Variants in GALNT11 observed in about 807,000 individuals in gnomAD.
The protein encoded by GALNT11 is UDP-GalNAc:polypeptide N-acetylgalactosaminyltransferase 11.
In GALNT11, 47 loss-of-function variants were observed where a neutral mutation model predicts 72.7. The ratio of observed to expected loss-of-function variants is 0.65; its 90% CI spans 0.51 to 0.82. The LOEUF is 0.82. Among genes scored for constraint, GALNT11 ranks in the 40% least tolerant of loss-of-function variants. The pLI is 0.00. For missense variants in GALNT11, 677 were observed against 778.4 expected, an observed-to-expected ratio of 0.87 and a Z score of 1.55; for synonymous variants, 270 against 286.6, an observed-to-expected ratio of 0.94 and a Z score of 0.58.
rs527353781 is a variant in GALNT11 at position 152,064,024 on chromosome 7, G to C, written c.-38-30166G>C. On this transcript the variant is annotated intron_variant, in intron 1 of 11. Coordinates refer to ENST00000430044, the MANE Select transcript of GALNT11 (RefSeq NM_022087.4). ...ATTCCTAGATATCCTTGTGAACTTT[G>C]TGTCTCATCGATCTGTCTAATGTTG... Among the ~76,000 whole-genome samples, 3 of 152,220 alleles carry C rather than the reference G, an allele frequency of 2.0e-5. No individual in the cohort carries two copies. The South Asian group carries it at 6.2e-4, about 32-fold the overall frequency.
chr7:152,069,969 TTTTC>T lies in GALNT11; in HGVS notation c.-38-24213_-38-24210del, dbSNP rs139024656. ...TGTAACTGTTTTGCACTCATTGCTTTTTTCTTTCTTTTTTCTTTTTTCTTTTTCT... is the reference window on the plus strand; with the variant it reads ...TGTAACTGTTTTGCACTCATTGCTTTTTTCTTTTTTCTTTTTTCTTTTTCT... On this transcript the variant is annotated intron_variant, in intron 1 of 11. Coordinates refer to ENST00000430044, the MANE Select transcript of GALNT11 (RefSeq NM_022087.4). Among the ~76,000 whole-genome samples, 161 of 151,860 alleles carry T rather than the reference TTTTC, an allele frequency of 1.1e-3. 1 individual carries two copies. Among genetic ancestry groups the T allele is most frequent in the African/African-American group, 3.7e-3 (152 of 41,318 alleles).
At chr7:152,033,318 G>T (rs1366040082) in intron 1 of GALNT11, among the ~76,000 whole-genome samples, 1 of 152,170 alleles carries the variant, frequency 6.6e-6, no homozygotes, top group African/African-American at 2.4e-5. Flanking sequence ...TCCATTTTCT[G>T]TCCTTTCTGA....
chr7:152,028,906 T>C (rs1310452545), intron 1 of GALNT11, among the ~76,000 whole-genome samples: 1 of 152,170 alleles, frequency 6.6e-6, no homozygotes, highest in Non-Finnish European at 1.5e-5. Context: ...TGTAGCTTGA[T>C]GGTCTCAATT....
chr7:152,099,529 A>AGT (rs2086642229), intron 2 of GALNT11, among the ~76,000 whole-genome samples: 1 of 76,550 alleles, frequency 1.3e-5, no homozygotes, highest in Non-Finnish European at 2.5e-5. Flanking sequence ...ACTCCCGCCT[A>AGT]GTTTTTTTTT....
intron 1 of GALNT11, among the ~76,000 whole-genome samples, chr7:152,074,620 T>C (rs1027738342): frequency 7.9e-5 from 12 of 152,098 alleles, no homozygotes; most frequent in Non-Finnish European, 1.0e-4. Flanking sequence ...GTAAGCCACT[T>C]TTAGTATATT....
chr7:152,103,007 G>T, intron 3 of GALNT11, 105 bp from the exon 4 acceptor site: 1 of 1,063,776 alleles, frequency 9.4e-7, no homozygotes, highest in East Asian at 2.5e-5. Context: ...GGCAGGGGGT[G>T]GGGGAAGAGG....
rs1243843473 is a variant in GALNT11, at chr7:152,055,565, G to GTA, written c.-39+29682_-39+29683insAT. Among the ~76,000 whole-genome samples the GTA allele has an allele frequency of 3.1e-4, 35 of 111,152 alleles. 1 individual carries two copies. Among genetic ancestry groups the GTA allele is most frequent in the African/African-American group, 1.3e-3 (34 of 26,602 alleles). The allele number at this position is 111,152 out of a possible 152,430, so 72.9% of individuals were successfully genotyped here. On this transcript the variant is annotated intron_variant, in intron 1 of 11. Coordinates refer to ENST00000430044, the MANE Select transcript of GALNT11 (RefSeq NM_022087.4). Reference sequence around the variant, plus strand: ...TGTGTGTGTGTGTGTGTGTGTGTGTGTGTATATATACATATATATATATAC... The same window carrying GTA: ...TGTGTGTGTGTGTGTGTGTGTGTGTGTATGTATATATACATATATATATATAC...
intron 1 of GALNT11, among the ~76,000 whole-genome samples, chr7:152,092,118 A>G (rs979671728): frequency 4.6e-5 from 7 of 151,976 alleles, no homozygotes; most frequent in African/African-American, 1.7e-4. Context: ...ACACTCTTTA[A>G]CTTCAGGATC....
At chr7:152,042,476 A>C (rs879703700) in intron 1 of GALNT11, among the ~76,000 whole-genome samples, 26 of 152,134 alleles carry the variant, frequency 1.7e-4, no homozygotes, top group Non-Finnish European at 3.5e-4. Flanking sequence ...GTTTCTCTTT[A>C]CTCAGCGGCC....
At chr7:152,082,706 A>G (rs1256267718) in intron 1 of GALNT11, among the ~76,000 whole-genome samples, 1 of 152,208 alleles carries the variant, frequency 6.6e-6, no homozygotes, top group Non-Finnish European at 1.5e-5. Context: ...AGAAGTTACT[A>G]TTTATTCCTA....
At chr7:152,028,940 G>A (rs866481660) in intron 1 of GALNT11, among the ~76,000 whole-genome samples, 1 of 152,210 alleles carries the variant, frequency 6.6e-6, no homozygotes, top group South Asian at 2.1e-4. Flanking sequence ...ATTTGAAAAG[G>A]AGGTTAAAAA....
In GALNT11 at chr7:152,063,984, G is replaced by A. The variant is rs142323206; in HGVS notation, c.-38-30206G>A. Among the ~76,000 whole-genome samples the A allele has an allele frequency of 9.3e-3, 1,409 of 152,308 alleles. 13 individuals carry two copies. The highest frequency in any genetic ancestry group is 0.017 in the Middle Eastern group (5 of 294). On this transcript the variant is annotated intron_variant, in intron 1 of 11. Coordinates refer to ENST00000430044, the MANE Select transcript of GALNT11 (RefSeq NM_022087.4). ...TAGATGTCTATTAAGTCCGCTTAGTGCAGAGCTGAGTTCAATTCCTAGATA... is the reference window on the plus strand; with the variant it reads ...TAGATGTCTATTAAGTCCGCTTAGTACAGAGCTGAGTTCAATTCCTAGATA...
chr7:152,108,124 C>T lies in GALNT11; in HGVS notation c.799C>T (p.His267Tyr), dbSNP rs2087787573. 1 of 1,614,000 alleles carries T rather than the reference C, an allele frequency of 6.2e-7. No homozygotes were observed. The highest frequency in any genetic ancestry group is 8.5e-7 in the Non-Finnish European group (1 of 1,180,038). ...GCTGGCCGCCATCCGTGAGGACCGG[C>T]ACACCGTGGTGTGCCCAGTGATTGA... ...PLLAAIREDRHTVVCPVIDII... is the reference protein window; with the variant it reads ...PLLAAIREDRYTVVCPVIDII... The change falls in exon 6 of 12, where the codon CAC (histidine) becomes TAC (tyrosine). Residue 267 changes from histidine to tyrosine, a missense_variant. Transcript: ENST00000430044.
chr7:152,108,124 CACACCGT>C lies in GALNT11; in HGVS notation c.800_806del (p.His267ArgfsTer5). On this transcript the variant is annotated frameshift_variant, in exon 6 of 12. Transcript: ENST00000430044. LOFTEE classifies it high-confidence loss of function. ...GCTGGCCGCCATCCGTGAGGACCGG[CACACCGT>C]GGTGTGCCCAGTGATTGACATCATC... 6.2e-7 allele frequency: 1 copy of C among 1,614,118 alleles called. No individual in the cohort carries two copies. Among genetic ancestry groups the C allele is most frequent in the Non-Finnish European group, 8.5e-7 (1 of 1,180,030 alleles).
chr7:152,057,712 G>A (rs2083766026), intron 1 of GALNT11, among the ~76,000 whole-genome samples: 1 of 152,100 alleles, frequency 6.6e-6, no homozygotes, highest in Non-Finnish European at 1.5e-5. Context: ...AGAATATTGT[G>A]AAGATAGTAG....
chr7:152,059,272 AT>A (rs569759652), intron 1 of GALNT11, among the ~76,000 whole-genome samples: 18 of 145,294 alleles, frequency 1.2e-4, no homozygotes, highest in South Asian at 2.2e-4. Flanking sequence ...TTTTTTTTGT[AT>A]TTTTTTTTTG....
intron 1 of GALNT11, among the ~76,000 whole-genome samples, chr7:152,028,061 AG>A (rs2082118105): frequency 1.3e-5 from 2 of 152,230 alleles, no homozygotes; most frequent in African/African-American, 2.4e-5. Flanking sequence ...CTTCACAGTC[AG>A]TGTTACAGCT....
intron 1 of GALNT11, among the ~76,000 whole-genome samples, chr7:152,039,535 C>T (rs2082747363): frequency 6.6e-6 from 1 of 152,162 alleles, no homozygotes; most frequent in African/African-American, 2.4e-5. Flanking sequence ...CCGCTTTCCT[C>T]AGGTTTTCTT....
intron 1 of GALNT11, among the ~76,000 whole-genome samples, chr7:152,082,094 T>G (rs1249377017): frequency 6.6e-6 from 1 of 152,232 alleles, no homozygotes; most frequent in Non-Finnish European, 1.5e-5. Context: ...ATCTGTGGTT[T>G]AGATTACTGG....
Sources: allele counts gnomAD v4.1 joint callset (sites outside exome capture counted in the v4.1 genomes callset), GRCh38; gene constraint gnomAD v4.1.1; transcripts MANE v1.5; gene names NCBI Gene and HGNC (gene_info 2026-07-23, HGNC 2026-07-21).